The following MMP16 variants were observed in gnomAD, a reference collection of about 807,000 sequenced individuals.
MMP16 encodes matrix metalloproteinase-16.
Under a neutral mutation model 67.8 loss-of-function variants are expected in MMP16, and 12 were observed. That is an observed-to-expected ratio of 0.18 (90% CI 0.11 to 0.29). The LOEUF (loss-of-function observed/expected upper bound fraction) is 0.29, where lower values mean the gene tolerates loss of function less well. MMP16 is among the 10% of genes least tolerant of loss of function. The probability of loss-of-function intolerance (pLI) is 1.00; values close to 1 mark genes in which losing one functional copy is unlikely to be tolerated. For synonymous variants in MMP16, 249 were observed against 255.9 expected, an observed-to-expected ratio of 0.97 and a Z score of 0.26; for missense variants, 475 against 765.7, an observed-to-expected ratio of 0.62 and a Z score of 4.48.
intron 1 of MMP16, among the ~76,000 whole-genome samples, chr8:88,204,432 TG>T (rs1449726451): frequency 3.9e-5 from 6 of 152,116 alleles, no homozygotes; most frequent in Non-Finnish European, 1.5e-5. Flanking sequence ...TTGAAATTGC[TG>T]TATTTCAAAG....
At chr8:88,091,314 G>T (rs1458916362) in intron 6 of MMP16, among the ~76,000 whole-genome samples, 1 of 151,642 alleles carries the variant, frequency 6.6e-6, no homozygotes, top group Non-Finnish European at 1.5e-5. Flanking sequence ...TCCTTAGTCA[G>T]ATTCTGTTAT....
intron 4 of MMP16, among the ~76,000 whole-genome samples, chr8:88,128,285 T>C (rs1437932514): frequency 2.0e-5 from 3 of 151,848 alleles, no homozygotes; most frequent in Non-Finnish European, 4.4e-5. Flanking sequence ...ACTTTTTTTA[T>C]TTTACATTGA....
At chr8:88,289,689 A>AAC (rs4043664) in intron 1 of MMP16, among the ~76,000 whole-genome samples, 1,564 of 144,228 alleles carry the variant, frequency 0.011, 22 homozygotes, top group African/African-American at 0.034. Flanking sequence ...TCCTAGAGGA[A>AAC]ACACACACAC....
intron 1 of MMP16, among the ~76,000 whole-genome samples, chr8:88,268,892 T>C (rs1396739689): frequency 1.3e-5 from 2 of 152,156 alleles, no homozygotes; most frequent in African/African-American, 4.8e-5. Context: ...TTTGTTGCCT[T>C]CCACTCTGAA....
intron 4 of MMP16, among the ~76,000 whole-genome samples, chr8:88,158,501 C>G (rs551665858): frequency 1.1e-4 from 16 of 152,140 alleles, no homozygotes; most frequent in Non-Finnish European, 2.1e-4. Flanking sequence ...CCTTTGCCCA[C>G]TTTTTGATGG....
chr8:88,260,302 T>A (rs906043340), intron 1 of MMP16, among the ~76,000 whole-genome samples: 1 of 152,178 alleles, frequency 6.6e-6, no homozygotes, highest in Non-Finnish European at 1.5e-5. Context: ...TTTTTTTGTT[T>A]TTATTTTTGT....
At chr8:88,296,561 G>A (rs1347025796) in intron 1 of MMP16, among the ~76,000 whole-genome samples, 4 of 152,092 alleles carry the variant, frequency 2.6e-5, no homozygotes, top group African/African-American at 4.8e-5. Flanking sequence ...CAGGCCTGGT[G>A]AGGTGGCTCA....
chr8:88,228,575 T>C (rs1362829370), intron 1 of MMP16, among the ~76,000 whole-genome samples: 1 of 152,096 alleles, frequency 6.6e-6, no homozygotes, highest in Non-Finnish European at 1.5e-5. Flanking sequence ...TCCTTCTAAG[T>C]GACATATTAA....
chr8:88,166,174 T>G (rs1033718042), intron 4 of MMP16, among the ~76,000 whole-genome samples: 2 of 152,098 alleles, frequency 1.3e-5, no homozygotes, highest in Non-Finnish European at 2.9e-5. Context: ...AACTGAACCC[T>G]CTTATGAACA....
At chr8:88,272,805 G>C (rs1228171334) in intron 1 of MMP16, among the ~76,000 whole-genome samples, 1 of 152,190 alleles carries the variant, frequency 6.6e-6, no homozygotes, top group Non-Finnish European at 1.5e-5. Flanking sequence ...AGCACACAGA[G>C]AAGGGAGTAG....
chr8:88,159,391 T>C (rs760660095), intron 4 of MMP16, among the ~76,000 whole-genome samples: 5 of 152,184 alleles, frequency 3.3e-5, no homozygotes, highest in Non-Finnish European at 5.9e-5. Flanking sequence ...CCCTTGTAAG[T>C]TGAATTCCTA....
Position 88,118,752 on chromosome 8 carries a change from T to G in MMP16, c.819A>C (p.Thr273=). ...IMAPFYQYME[T]DNFKLPNDDL... is the part of the protein sequence containing the mutation. ...CATCATTAGGTAGTTTGAAGTTGTC[T>G]GTTTCCATGTACTGGTAAAATGGAG... The change falls in exon 5 of 10, where the codon ACA becomes ACC. Residue 273 remains threonine, a synonymous_variant. Transcript: ENST00000286614. 1 of 1,613,494 alleles carries G rather than the reference T, an allele frequency of 6.2e-7. No individual in the cohort carries two copies. Among genetic ancestry groups the G allele is most frequent in the Non-Finnish European group, 8.5e-7 (1 of 1,179,590 alleles).
chr8:88,265,490 C>A (rs1424118368), intron 1 of MMP16, among the ~76,000 whole-genome samples: 1 of 152,040 alleles, frequency 6.6e-6, no homozygotes, highest in African/African-American at 2.4e-5. Context: ...ACTGGGTAAT[C>A]AAAATGAAGC....
intron 1 of MMP16, among the ~76,000 whole-genome samples, chr8:88,207,379 T>C (rs1246339005): frequency 2.0e-5 from 3 of 152,022 alleles, no homozygotes; most frequent in African/African-American, 7.3e-5. Context: ...GAAAACGCTA[T>C]GTGATGCAAA....
intron 9 of MMP16, among the ~76,000 whole-genome samples, chr8:88,044,104 C>T (rs948563628): frequency 7.9e-5 from 12 of 152,202 alleles, no homozygotes; most frequent in African/African-American, 2.7e-4. Flanking sequence ...TAGTAACACA[C>T]TCCACATATA....
chr8:88,043,472 A>C (rs1808158815), intron 9 of MMP16, among the ~76,000 whole-genome samples: 1 of 152,102 alleles, frequency 6.6e-6, no homozygotes, highest in Admixed American at 6.6e-5. Context: ...TAGTAGAGAC[A>C]GGGTTTCTCC....
chr8:88,076,421 T>C lies in MMP16; in HGVS notation c.1084-1678A>G, dbSNP rs147279658. Among the ~76,000 whole-genome samples the C allele has an allele frequency of 1.3e-3, 199 of 152,296 alleles. 8 individuals are homozygous for C. The East Asian group carries it at 0.031, about 24-fold the overall frequency. On this transcript the variant is annotated intron_variant, in intron 6 of 9. Coordinates refer to ENST00000286614, the MANE Select transcript of MMP16 (RefSeq NM_005941.5). ...TACAGTTTTGTCTCTTGTTCATTGT[T>C]TCCTCTTTGGATGTCAGCTATACTA...
At chr8:88,216,258 T>G (rs1809592533) in intron 1 of MMP16, among the ~76,000 whole-genome samples, 1 of 152,146 alleles carries the variant, frequency 6.6e-6, no homozygotes, top group African/African-American at 2.4e-5. Flanking sequence ...TCATGACAGT[T>G]TTTTAAAAAA....
chr8:88,205,428 A>G (rs563656106), intron 1 of MMP16, among the ~76,000 whole-genome samples: 4 of 152,238 alleles, frequency 2.6e-5, no homozygotes, highest in Non-Finnish European at 4.4e-5. Context: ...TGCAAACAAA[A>G]CACCCTGTTT....
Sources: gnomAD v4.1 joint callset for allele counts (sites outside exome capture counted in the v4.1 genomes callset) on GRCh38, gnomAD v4.1.1 for gene constraint, MANE v1.5 for transcripts, NCBI Gene and HGNC (gene_info 2026-07-23, HGNC 2026-07-21) for gene names.